SSBP3: variants seen among roughly 807,000 people sequenced by gnomAD.
The protein encoded by SSBP3 is single stranded DNA binding protein 3.
SSBP3 carries 5 observed loss-of-function variants against 69.6 expected under a neutral mutation model. The ratio of observed to expected loss-of-function variants is 0.07; its 90% CI spans 0.04 to 0.15. The LOEUF is 0.15. Among genes scored for constraint, SSBP3 ranks in the 10% least tolerant of loss-of-function variants. SSBP3 has a pLI of 1.00. For missense variants in SSBP3, 312 were observed against 534.0 expected, an observed-to-expected ratio of 0.58 and a Z score of 4.10; for synonymous variants, 196 against 193.4, an observed-to-expected ratio of 1.01 and a Z score of -0.11.
rs117979111 is a variant in SSBP3, at chr1:54,329,990, C to T, written c.277-48463G>A. ...GAGACCACGCATCCCAGACTTTGCA[C>T]GTTCACACCTGGCGCCCCACCATAC... On this transcript the variant is annotated intron_variant, in intron 4 of 17. Coordinates refer to ENST00000610401, the Ensembl canonical transcript of SSBP3. Among the ~76,000 whole-genome samples the T allele has an allele frequency of 8.1e-4, 123 of 152,268 alleles. No individual in the cohort carries two copies. In the East Asian group the frequency reaches 0.023, roughly 29 times the overall value.
At chr1:54,374,923 G>T (rs1425364431) in intron 4 of SSBP3, among the ~76,000 whole-genome samples, 6 of 152,200 alleles carry the variant, frequency 3.9e-5, no homozygotes, top group Admixed American at 1.3e-4. Flanking sequence ...GGAGGCCAGG[G>T]GCCAGAGAGG....
chr1:54,228,959 G>A (rs1321432034), intron 14 of SSBP3, 133 bp from the exon 15 acceptor site: 33 of 901,984 alleles, frequency 3.7e-5, no homozygotes, highest in African/African-American at 8.3e-5. Context: ...GCTCACACTC[G>A]GACATGTCCT....
At chr1:54,242,662 G>A (rs1003373431) in intron 10 of SSBP3, among the ~76,000 whole-genome samples, 13 of 152,028 alleles carry the variant, frequency 8.6e-5, no homozygotes, top group Non-Finnish European at 1.6e-4. Context: ...AATAATAACC[G>A]CGTCAGGCCG....
At chr1:54,233,723 AG>A (rs1254789996) in intron 14 of SSBP3, among the ~76,000 whole-genome samples, 1 of 147,302 alleles carries the variant, frequency 6.8e-6, no homozygotes, top group Non-Finnish European at 1.5e-5. Context: ...TGGGGGGGTC[AG>A]CCCCCCGCCC....
At chr1:54,405,006 G>T in intron 1 of SSBP3, 76 bp from the exon 2 acceptor site, 1 of 1,356,218 alleles carries the variant, frequency 7.4e-7, no homozygotes, top group Non-Finnish European at 1.0e-6. Flanking sequence ...GACCTTGCCA[G>T]CAGGCTTTGA....
intron 4 of SSBP3, among the ~76,000 whole-genome samples, chr1:54,311,393 C>T (rs1310668434): frequency 6.6e-6 from 1 of 152,166 alleles, no homozygotes; most frequent in Non-Finnish European, 1.5e-5. Context: ...CCCTACTGGG[C>T]CCCCAGGCCC....
intron 4 of SSBP3, among the ~76,000 whole-genome samples, chr1:54,324,258 G>A (rs940592983): frequency 3.3e-5 from 5 of 152,224 alleles, no homozygotes; most frequent in Non-Finnish European, 7.3e-5. Context: ...CAGGGCTGCA[G>A]ACAAAGCCCC....
intron 4 of SSBP3, among the ~76,000 whole-genome samples, chr1:54,342,459 A>G (rs760986991): frequency 1.3e-5 from 2 of 152,222 alleles, no homozygotes; most frequent in African/African-American, 4.8e-5. Context: ...GGGTGGGGCC[A>G]GGGCAGGTGT....
At chr1:54,283,291 A>G (rs954205157) in intron 4 of SSBP3, among the ~76,000 whole-genome samples, 1 of 149,822 alleles carries the variant, frequency 6.7e-6, no homozygotes, top group Non-Finnish European at 1.5e-5. Flanking sequence ...AAAAAAAAAA[A>G]GGAACCAGAA....
Position 54,404,935 on chromosome 1 carries a change from A to G in SSBP3, c.57-5T>C. 2 of 1,611,962 alleles carry G rather than the reference A, an allele frequency of 1.2e-6. No homozygotes were observed. The highest frequency in any genetic ancestry group is 8.5e-7 in the Non-Finnish European group (1 of 1,179,596). On this transcript the variant is annotated splice_polypyrimidine_tract_variant and splice_region_variant and intron_variant, in intron 1 of 17. Transcript: ENST00000610401. Reference sequence around the variant, plus strand: ...TCGTAGACGTATAAAGCTAACCTGGAAAGTGGACAGGGGGCAAAGAGAGAG... The same window carrying G: ...TCGTAGACGTATAAAGCTAACCTGGGAAGTGGACAGGGGGCAAAGAGAGAG...
At chr1:54,226,908 G>A (rs1644293923) in exon 18 of SSBP3, 1 of 566,018 alleles carries the variant, frequency 1.8e-6, no homozygotes, top group African/African-American at 1.9e-5. Flanking sequence ...ATTTTTGAGA[G>A]TTTTGTCCTT....
At chr1:54,354,735 T>A (rs1646836468) in intron 4 of SSBP3, among the ~76,000 whole-genome samples, 1 of 151,796 alleles carries the variant, frequency 6.6e-6, no homozygotes, top group African/African-American at 2.4e-5. Context: ...GGGAAAGAAA[T>A]TCAAAAAACA....
intron 17 of SSBP3, 28 bp from the exon 18 acceptor site, chr1:54,227,188 G>GC: frequency 9.6e-7 from 1 of 1,042,022 alleles, no homozygotes; most frequent in Non-Finnish European, 1.4e-6. Context: ...AGAAGGGGGG[G>GC]GGGTGAGGAT....
chr1:54,241,596 C>T (rs906049112), intron 11 of SSBP3, 87 bp from the exon 12 acceptor site: 1 of 1,441,328 alleles, frequency 6.9e-7, no homozygotes, highest in Non-Finnish European at 9.7e-7. Context: ...ACCCACTCTT[C>T]ACAGGAAAGG....
At chr1:54,365,526 T>A (rs990007014) in intron 4 of SSBP3, among the ~76,000 whole-genome samples, 2 of 152,220 alleles carry the variant, frequency 1.3e-5, no homozygotes, top group Admixed American at 6.5e-5. Context: ...TATGAGCTAC[T>A]AAGTGGCCTG....
At chr1:54,403,721 T>C (rs1250148601) in intron 3 of SSBP3, among the ~76,000 whole-genome samples, 1 of 152,046 alleles carries the variant, frequency 6.6e-6, no homozygotes, top group Admixed American at 6.6e-5. Flanking sequence ...TCCATCAAAA[T>C]ATCAAAAGCC....
chr1:54,388,020 G>C (rs1262057009), intron 4 of SSBP3, among the ~76,000 whole-genome samples: 2 of 152,158 alleles, frequency 1.3e-5, no homozygotes, highest in African/African-American at 2.4e-5. Flanking sequence ...TAAATGTTGT[G>C]AAGAAAAATA....
chr1:54,360,580 T>C (rs1178070667), intron 4 of SSBP3, among the ~76,000 whole-genome samples: 1 of 152,144 alleles, frequency 6.6e-6, no homozygotes, highest in South Asian at 2.1e-4. Context: ...AAAGCCTGCA[T>C]GGGTCCCCCC....
chr1:54,345,841 A>G (rs1646680111), intron 4 of SSBP3, among the ~76,000 whole-genome samples: 2 of 151,830 alleles, frequency 1.3e-5, no homozygotes, highest in African/African-American at 4.8e-5. Flanking sequence ...CCCTGTCTCT[A>G]CCAAAATACA....
Sources: gnomAD v4.1 joint callset for allele counts (sites outside exome capture counted in the v4.1 genomes callset) on GRCh38, gnomAD v4.1.1 for gene constraint, MANE v1.5 for transcripts, NCBI Gene and HGNC (gene_info 2026-07-23, HGNC 2026-07-21) for gene names.